The following CNTNAP2 variants were observed in gnomAD, a reference collection of about 807,000 sequenced individuals.
CNTNAP2 encodes contactin-associated protein-like 2.
CNTNAP2 carries 98 observed loss-of-function variants against 155.2 expected under a neutral mutation model. The ratio of observed to expected loss-of-function variants is 0.63; its 90% CI spans 0.54 to 0.75. CNTNAP2 has a LOEUF of 0.75. Ranked by LOEUF, CNTNAP2 falls within the 30% of genes least tolerant of loss-of-function variation. The probability of loss-of-function intolerance (pLI) is 0.00; values close to 1 mark genes in which losing one functional copy is unlikely to be tolerated. For synonymous variants in CNTNAP2, 651 were observed against 631.2 expected, an observed-to-expected ratio of 1.03 and a Z score of -0.47; for missense variants, 1,727 against 1,688.1, an observed-to-expected ratio of 1.02 and a Z score of -0.40.
At chr7:148,238,496 T>C (rs1378948186) in intron 20 of CNTNAP2, among the ~76,000 whole-genome samples, 1 of 152,262 alleles carries the variant, frequency 6.6e-6, no homozygotes, top group African/African-American at 2.4e-5. Context: ...AGCTCACTCC[T>C]GTTCATTTGC....
chr7:146,215,148 G>T (rs1799094087), intron 1 of CNTNAP2, among the ~76,000 whole-genome samples: 1 of 152,118 alleles, frequency 6.6e-6, no homozygotes, highest in African/African-American at 2.4e-5. Flanking sequence ...TTGTAAACCT[G>T]AACTACATTT....
chr7:146,376,583 T>A (rs2129103844), intron 1 of CNTNAP2, among the ~76,000 whole-genome samples: 1 of 152,162 alleles, frequency 6.6e-6, no homozygotes, highest in African/African-American at 2.4e-5. Context: ...TCTGCATGTA[T>A]TGTTATTGTT....
In CNTNAP2 at chr7:147,502,034, C is replaced by T. The variant is rs1343416520; in HGVS notation, c.1777+15993C>T. On this transcript the variant is annotated intron_variant, in intron 11 of 23. Transcript: ENST00000361727. ...CAAAGAGGTGAGTGAAGGATCCATA[C>T]ATTGATACCATGAACATGGATGAAA... Among the ~76,000 whole-genome samples the T allele has an allele frequency of 3.9e-5, 6 of 152,186 alleles. No individual in the cohort carries two copies. The South Asian group carries it at 8.3e-4, about 21-fold the overall frequency.
intron 10 of CNTNAP2, among the ~76,000 whole-genome samples, chr7:147,417,323 A>G (rs1372781771): frequency 6.6e-6 from 1 of 152,182 alleles, no homozygotes; most frequent in East Asian, 1.9e-4. Context: ...GCGCTGGCAG[A>G]TCTGGCATCT....
chr7:146,133,753 G>A (rs189782783), intron 1 of CNTNAP2, among the ~76,000 whole-genome samples: 1 of 152,150 alleles, frequency 6.6e-6, no homozygotes, highest in South Asian at 2.1e-4. Context: ...TGCAGGCTCT[G>A]TTCTGTTCCA....
chr7:147,299,709 T>C (rs941416880), intron 8 of CNTNAP2, among the ~76,000 whole-genome samples: 2 of 152,236 alleles, frequency 1.3e-5, no homozygotes, highest in African/African-American at 2.4e-5. Flanking sequence ...GAATAAGATC[T>C]AGCAAAGCTA....
intron 21 of CNTNAP2, among the ~76,000 whole-genome samples, chr7:148,289,705 G>T (rs114723871): frequency 0.011 from 1,692 of 152,284 alleles, 36 homozygotes; most frequent in African/African-American, 0.038. Context: ...GCTCATGGAA[G>T]CCTTCCACAG....
chr7:147,298,483 A>C (rs531266150), intron 8 of CNTNAP2, among the ~76,000 whole-genome samples: 1 of 150,302 alleles, frequency 6.7e-6, no homozygotes, highest in South Asian at 2.1e-4. Context: ...ATCCTAAAAA[A>C]AACCCACAAA....
At chr7:147,369,117 ATACTT>A (rs1301539839) in intron 9 of CNTNAP2, among the ~76,000 whole-genome samples, 9 of 152,248 alleles carry the variant, frequency 5.9e-5, no homozygotes, top group Admixed American at 5.9e-4. Context: ...ACCACGTTAA[ATACTT>A]TATAACCAGG....
At chr7:147,999,067 T>C (rs530007927) in intron 15 of CNTNAP2, among the ~76,000 whole-genome samples, 1 of 152,272 alleles carries the variant, frequency 6.6e-6, no homozygotes, top group South Asian at 2.1e-4. Context: ...TTAAAACTTA[T>C]TGTTATATTC....
In CNTNAP2 at chr7:147,150,436, G is replaced by T. The variant is rs141998591; in HGVS notation, c.1348+17927G>T. ...ATGTAGAGTAGAGTATAGTTCAGAA[G>T]TACAAAGAAGATAATAGAAAAAAAA... On this transcript the variant is annotated intron_variant, in intron 8 of 23. Coordinates refer to ENST00000361727, the MANE Select transcript of CNTNAP2 (RefSeq NM_014141.6). Among the ~76,000 whole-genome samples the T allele has an allele frequency of 9.7e-3, 1,476 of 152,162 alleles. 24 individuals are homozygous for T. Among genetic ancestry groups the T allele is most frequent in the African/African-American group, 0.033 (1,381 of 41,518 alleles).
intron 13 of CNTNAP2, among the ~76,000 whole-genome samples, chr7:147,738,381 A>C: frequency 6.6e-6 from 1 of 152,302 alleles, no homozygotes; most frequent in Non-Finnish European, 1.5e-5. Flanking sequence ...CATGAAAGGA[A>C]GTCAATTGAT....
intron 1 of CNTNAP2, among the ~76,000 whole-genome samples, chr7:146,141,128 CA>C (rs1403796526): frequency 2.0e-5 from 3 of 152,186 alleles, no homozygotes; most frequent in African/African-American, 7.2e-5. Context: ...GCTCAGGTCA[CA>C]ACTGTTTTCA....
chr7:147,973,160 TAAAAAAAA>T (rs35756000), intron 14 of CNTNAP2, among the ~76,000 whole-genome samples: 2 of 120,834 alleles, frequency 1.7e-5, no homozygotes, highest in East Asian at 2.9e-4. Flanking sequence ...TCTCTAAAAT[TAAAAAAAA>T]AAAAAAAAAA....
At chr7:147,763,386 TGA>T (rs1563080412) in intron 13 of CNTNAP2, among the ~76,000 whole-genome samples, 1 of 150,420 alleles carries the variant, frequency 6.6e-6, no homozygotes, top group Admixed American at 6.6e-5. Flanking sequence ...TTGGGAGAAA[TGA>T]GAGGGAGAAT....
At chr7:147,658,255 C>A (rs11970817) in intron 13 of CNTNAP2, among the ~76,000 whole-genome samples, 2 of 101,294 alleles carry the variant, frequency 2.0e-5, no homozygotes, top group African/African-American at 3.2e-5. Context: ...AGACTCCGTC[C>A]CAAAAAAAAA....
At chr7:147,074,467 G>C (rs1481671304) in intron 4 of CNTNAP2, among the ~76,000 whole-genome samples, 2 of 152,028 alleles carry the variant, frequency 1.3e-5, no homozygotes, top group East Asian at 3.9e-4. Flanking sequence ...TGGTTGACCA[G>C]TTAGCATTTA....
rs1429405886 is a variant in CNTNAP2, at chr7:146,134,931, G to A, written c.97+17958G>A. Among the ~76,000 whole-genome samples the A allele has an allele frequency of 4.6e-5, 7 of 151,686 alleles. No homozygotes were observed. In the East Asian group the frequency reaches 1.2e-3, roughly 25 times the overall value. ...CAGAATGATGCTGGCCTCATAAAAT[G>A]AGTTAGGGAGGATTCCCTCTTTTTC... is the stretch of plus-strand genomic sequence containing the variant. On this transcript the variant is annotated intron_variant, in intron 1 of 23. Coordinates refer to ENST00000361727, the MANE Select transcript of CNTNAP2 (RefSeq NM_014141.6).
rs182551463 is a variant in CNTNAP2, at chr7:147,923,059, G to T, written c.2255+19338G>T. On this transcript the variant is annotated intron_variant, in intron 14 of 23. Transcript: ENST00000361727. ...GAAAATGAGGTCAGGAATTTGATAA[G>T]TGTCCAATATAATGATAATGAGCAA... Among the ~76,000 whole-genome samples the T allele has an allele frequency of 5.6e-3, 846 of 151,752 alleles. 25 individuals carry two copies. The South Asian group carries it at 0.078, about 14-fold the overall frequency.
Sources: allele counts gnomAD v4.1 joint callset (sites outside exome capture counted in the v4.1 genomes callset), GRCh38; gene constraint gnomAD v4.1.1; transcripts MANE v1.5; gene names NCBI Gene and HGNC (gene_info 2026-07-23, HGNC 2026-07-21).